The following ZFAND3 variants were observed in gnomAD, a reference collection of about 807,000 sequenced individuals.
ZFAND3 encodes the protein AN1-type zinc finger protein 3.
Under a neutral mutation model 29.6 loss-of-function variants are expected in ZFAND3, and 10 were observed. That is an observed-to-expected ratio of 0.34 (90% CI 0.21 to 0.57). The LOEUF (loss-of-function observed/expected upper bound fraction) is 0.57, where lower values mean the gene tolerates loss of function less well. Ranked by LOEUF, ZFAND3 falls within the 20% of genes least tolerant of loss-of-function variation. The pLI, the probability that ZFAND3 is intolerant of heterozygous loss-of-function variation, is 0.86. For synonymous variants in ZFAND3, 128 were observed against 112.6 expected (o/e 1.14, Z -0.87); for missense variants, 230 against 304.5 (o/e 0.76, Z 1.82).
intron 1 of ZFAND3, among the ~76,000 whole-genome samples, chr6:37,886,237 C>CAAAAAAAAAAAAAAAA (rs55661554): frequency 4.2e-5 from 4 of 95,278 alleles, no homozygotes; most frequent in African/African-American, 1.4e-4. Flanking sequence ...GACTCTGTCT[C>CAAAAAAAAAAAAAAAA]AAAAAAAAAA....
intron 2 of ZFAND3, among the ~76,000 whole-genome samples, chr6:37,934,450 C>T (rs1761657382): frequency 1.3e-5 from 2 of 150,478 alleles, no homozygotes; most frequent in African/African-American, 4.9e-5. Flanking sequence ...AAGTGATTGA[C>T]TCAAGTATTA....
In ZFAND3 at chr6:38,116,518, G is replaced by A. The variant is rs571114748; in HGVS notation, c.362-54G>A. The stretch of plus-strand genomic sequence containing the variant: ...ATGCCTGGAAATACATTAATCAACT[G>A]TGCTTGCCAGGCCAGGCACTAATCC... On this transcript the variant is annotated intron_variant, in intron 4 of 5. Coordinates refer to ENST00000287218, the MANE Select transcript of ZFAND3 (RefSeq NM_021943.3). 1.2e-4 allele frequency: 191 copies of A among 1,556,304 alleles called. 1 individual carries two copies. The South Asian group carries it at 2.2e-3, about 18-fold the overall frequency.
intron 2 of ZFAND3, among the ~76,000 whole-genome samples, chr6:37,942,500 A>G (rs1295327328): frequency 6.6e-6 from 1 of 152,156 alleles, no homozygotes; most frequent in Non-Finnish European, 1.5e-5. Flanking sequence ...GGTATATGAA[A>G]CCAATAGATA....
At chr6:38,074,705 G>A (rs953676962) in intron 3 of ZFAND3, among the ~76,000 whole-genome samples, 2 of 152,278 alleles carry the variant, frequency 1.3e-5, no homozygotes, top group African/African-American at 4.8e-5. Context: ...TCAAAATAGC[G>A]AAAATAACCT....
At chr6:38,044,158 G>A in intron 2 of ZFAND3, among the ~76,000 whole-genome samples, 1 of 152,100 alleles carries the variant, frequency 6.6e-6, no homozygotes, top group Non-Finnish European at 1.5e-5. Flanking sequence ...CTGTTCTTCT[G>A]AATACAGTCA....
chr6:37,957,341 CTT>C (rs1762102126), intron 2 of ZFAND3, among the ~76,000 whole-genome samples: 1 of 149,316 alleles, frequency 6.7e-6, no homozygotes, highest in Non-Finnish European at 1.5e-5. Context: ...TTCCAAGACT[CTT>C]TTTGTTGATT....
intron 2 of ZFAND3, among the ~76,000 whole-genome samples, chr6:38,009,477 T>C (rs1378145698): frequency 6.6e-6 from 1 of 152,152 alleles, no homozygotes; most frequent in Non-Finnish European, 1.5e-5. Context: ...TATCTGAAAA[T>C]GGTTATATTG....
intron 2 of ZFAND3, among the ~76,000 whole-genome samples, chr6:37,994,806 G>C (rs1262923388): frequency 6.6e-6 from 1 of 152,166 alleles, no homozygotes; most frequent in African/African-American, 2.4e-5. Flanking sequence ...TGCAGGTGCT[G>C]TTGTGTGTTT....
intron 5 of ZFAND3, among the ~76,000 whole-genome samples, chr6:38,132,556 G>A (rs765037871): frequency 1.3e-5 from 2 of 152,218 alleles, no homozygotes; most frequent in South Asian, 4.1e-4. Flanking sequence ...CCTACTGTGT[G>A]TAACCGCACT....
At chr6:37,899,528 C>T (rs1418404861) in intron 1 of ZFAND3, among the ~76,000 whole-genome samples, 2 of 151,868 alleles carry the variant, frequency 1.3e-5, no homozygotes, top group South Asian at 2.1e-4. Context: ...TTTAATGATC[C>T]GAAGTTATTG....
chr6:38,091,457 C>T (rs1328827617), intron 4 of ZFAND3, among the ~76,000 whole-genome samples: 2 of 147,892 alleles, frequency 1.4e-5, no homozygotes, highest in African/African-American at 5.0e-5. Context: ...CCCCTCTCCT[C>T]CTTTGAAACT....
chr6:38,057,441 T>C (rs1374373023), intron 2 of ZFAND3, among the ~76,000 whole-genome samples: 1 of 152,224 alleles, frequency 6.6e-6, no homozygotes, highest in Non-Finnish European at 1.5e-5. Flanking sequence ...TCTTACTTAG[T>C]GCCCCTTTCT....
At chr6:38,141,587 A>T (rs1305142569) in intron 5 of ZFAND3, among the ~76,000 whole-genome samples, 1 of 152,246 alleles carries the variant, frequency 6.6e-6, no homozygotes, top group African/African-American at 2.4e-5. Context: ...ATGCATTTAT[A>T]GTCTGTAAAG....
intron 1 of ZFAND3, among the ~76,000 whole-genome samples, chr6:37,875,443 A>G (rs1764773968): frequency 6.6e-6 from 1 of 152,002 alleles, no homozygotes; most frequent in African/African-American, 2.4e-5. Context: ...CTGTTAATTC[A>G]TTTTTGTGAA....
At chr6:37,886,231 C>CT (rs1764987181) in intron 1 of ZFAND3, among the ~76,000 whole-genome samples, 1 of 98,328 alleles carries the variant, frequency 1.0e-5, no homozygotes, top group African/African-American at 4.4e-5. Context: ...GAGCGAGACT[C>CT]TGTCTCAAAA....
chr6:37,886,237 CAAAAAAAAAAAAAAAAAAAAAAAAA>C (rs55661554), intron 1 of ZFAND3, among the ~76,000 whole-genome samples: 103 of 95,306 alleles, frequency 1.1e-3, no homozygotes, highest in African/African-American at 3.5e-3. Flanking sequence ...GACTCTGTCT[CAAAAAAAAAAAAAAAAAAAAAAAAA>C]AAAAAAAAAA....
intron 2 of ZFAND3, among the ~76,000 whole-genome samples, chr6:37,999,986 C>G (rs961236531): frequency 1.3e-5 from 2 of 151,830 alleles, no homozygotes; most frequent in South Asian, 4.2e-4. Context: ...AAAACTATTA[C>G]TAAAAAATAA....
chr6:37,910,562 G>A (rs1765501481), intron 1 of ZFAND3, among the ~76,000 whole-genome samples: 2 of 152,120 alleles, frequency 1.3e-5, no homozygotes, highest in South Asian at 4.1e-4. Context: ...GCTAAATCAA[G>A]CTAATTAACA....
intron 2 of ZFAND3, among the ~76,000 whole-genome samples, chr6:38,035,418 A>G (rs1203637567): frequency 6.6e-6 from 1 of 152,206 alleles, no homozygotes; most frequent in Admixed American, 6.5e-5. Flanking sequence ...AGCAACCAAG[A>G]TAATACATAT....
Sources: allele counts gnomAD v4.1 joint callset (sites outside exome capture counted in the v4.1 genomes callset), GRCh38; gene constraint gnomAD v4.1.1; transcripts MANE v1.5; gene names NCBI Gene and HGNC (gene_info 2026-07-23, HGNC 2026-07-21).